Variants in ABLIM2 observed in about 807,000 individuals in gnomAD.
The protein encoded by ABLIM2 is actin-binding LIM protein 2.
In ABLIM2, 53 loss-of-function variants were observed where a neutral mutation model predicts 97.7. That is an observed-to-expected ratio of 0.54 (90% CI 0.44 to 0.68). The LOEUF (loss-of-function observed/expected upper bound fraction) is 0.68, where lower values mean the gene tolerates loss of function less well. ABLIM2 is among the 30% of genes least tolerant of loss of function. The pLI, the probability that ABLIM2 is intolerant of heterozygous loss-of-function variation, is 0.00. For synonymous variants in ABLIM2, 361 were observed against 345.8 expected, an observed-to-expected ratio of 1.04 and a Z score of -0.49; for missense variants, 835 against 867.2, an observed-to-expected ratio of 0.96 and a Z score of 0.47.
rs1458651194 is a variant in ABLIM2 at position 8,001,695 on chromosome 4, C to T, written c.1618+6364G>A. Among the ~76,000 whole-genome samples, 1 of 152,146 alleles carries T rather than the reference C, an allele frequency of 6.6e-6. No individual in the cohort carries two copies. Among genetic ancestry groups the T allele is most frequent in the African/African-American group, 2.4e-5 (1 of 41,438 alleles). ...TCTGTATAGAGGGACCCTCCAGCCACTAGCTGGATGCCAAGGTGGCCACGC... is the reference window on the plus strand; with the variant it reads ...TCTGTATAGAGGGACCCTCCAGCCATTAGCTGGATGCCAAGGTGGCCACGC... On this transcript the variant is annotated intron_variant, in intron 16 of 20. Transcript: ENST00000447017. The surrounding 1 kb of genome is among the most constrained non-coding windows in gnomAD (Gnocchi z 4.2).
chr4:8,140,217 C>G lies in ABLIM2; in HGVS notation c.10+18463G>C, dbSNP rs1850760466. Among the ~76,000 whole-genome samples the G allele has an allele frequency of 6.6e-6, 1 of 152,070 alleles. No homozygotes were observed. The highest frequency in any genetic ancestry group is 1.5e-5 in the Non-Finnish European group (1 of 68,010). ...CCATGGCACACGTTTACCTGTGTAA[C>G]AAACCTGCATGTCCTGCACATGTAT... On this transcript the variant is annotated intron_variant, in intron 1 of 20. Coordinates refer to ENST00000447017, the MANE Select transcript of ABLIM2 (RefSeq NM_001130083.2). This position sits in a 1 kb window ranked among gnomAD's most constrained non-coding sequence, Gnocchi z 5.9.
In ABLIM2 at chr4:8,139,269, A is replaced by G. The variant is rs28791547; in HGVS notation, c.10+19411T>C. ...AGGGGAGGGGAATGGAAGGGAAGGG[A>G]AGGGAAGGGAGAAAAAAAGAAAAGA... On this transcript the variant is annotated intron_variant, in intron 1 of 20. Transcript: ENST00000447017. 8.8e-3 allele frequency among the ~76,000 whole-genome samples: 1,290 copies of G among 146,530 alleles called. 34 individuals are homozygous for G. Among genetic ancestry groups the G allele is most frequent in the African/African-American group, 0.034 (1,215 of 36,240 alleles).
rs778723311 is a variant in ABLIM2 at position 8,029,683 on chromosome 4, G to A, written c.1141C>T (p.Arg381Trp). 2 of 1,550,256 alleles carry A rather than the reference G, an allele frequency of 1.3e-6. No homozygotes were observed. The highest frequency in any genetic ancestry group is 1.7e-6 in the Non-Finnish European group (2 of 1,146,806). Residue 381 changes from arginine to tryptophan, a missense_variant, in exon 11 of 21, where the codon CGG (arginine) becomes TGG (tryptophan). By Grantham distance (101) the Arg-to-Trp change is moderately radical. Coordinates refer to ENST00000447017, the MANE Select transcript of ABLIM2 (RefSeq NM_001130083.2). ...VSLGRYTPTS[R>W]SPQHYSRPAG... Reference sequence around the variant, plus strand: ...GGACGGCTGTAGTGCTGTGGTGACCGTGAGGTCGGAGTGTAGCGCCCGAGG... The same window carrying A: ...GGACGGCTGTAGTGCTGTGGTGACCATGAGGTCGGAGTGTAGCGCCCGAGG...
chr4:8,063,126 T>C (rs1234304426), intron 6 of ABLIM2, among the ~76,000 whole-genome samples: 1 of 152,122 alleles, frequency 6.6e-6, no homozygotes, highest in Non-Finnish European at 1.5e-5. Flanking sequence ...AGTGCAGTGG[T>C]GCAATCTCAG....
chr4:8,099,985 C>T (rs898424265), intron 2 of ABLIM2, among the ~76,000 whole-genome samples: 2 of 152,202 alleles, frequency 1.3e-5, no homozygotes, highest in African/African-American at 4.8e-5. Context: ...ATTTATCAAA[C>T]TAGCACAGAC....
chr4:8,121,753 G>A (rs1296506555), intron 1 of ABLIM2, among the ~76,000 whole-genome samples: 6 of 152,228 alleles, frequency 3.9e-5, no homozygotes, highest in Non-Finnish European at 5.9e-5. Context: ...AATCTAATAG[G>A]AAACAGGAAA....
chr4:7,966,920 G>A lies in ABLIM2; in HGVS notation c.*70C>T. The A allele has an allele frequency of 2.1e-6, 2 of 973,848 alleles. No individual in the cohort carries two copies. The highest frequency in any genetic ancestry group is 1.6e-6 in the Non-Finnish European group (1 of 623,784). 60.3% of individuals were successfully genotyped at this position (973,848 alleles called of 1,614,324 possible). ...CCAGAGCAAGGTGTGTGGGAGGGGT[G>A]TGTGCGGTTCTCGCCAGGGGCCCCT... On this transcript the variant is annotated 3_prime_UTR_variant, in exon 21 of 21. Coordinates refer to ENST00000447017, the MANE Select transcript of ABLIM2 (RefSeq NM_001130083.2).
At chr4:8,079,821 C>T (rs1343675148) in intron 5 of ABLIM2, among the ~76,000 whole-genome samples, 2 of 152,176 alleles carry the variant, frequency 1.3e-5, no homozygotes, top group East Asian at 3.9e-4. Flanking sequence ...CGTTTTTCAT[C>T]CCCATCAATT....
intron 3 of ABLIM2, among the ~76,000 whole-genome samples, chr4:8,094,487 C>A (rs972743150): frequency 1.3e-5 from 2 of 152,162 alleles, no homozygotes; most frequent in Admixed American, 6.5e-5. Flanking sequence ...CGTGATCGAT[C>A]GAGCAAGCAG....
At chr4:8,141,162 C>T (rs1418316329) in intron 1 of ABLIM2, among the ~76,000 whole-genome samples, 1 of 152,146 alleles carries the variant, frequency 6.6e-6, no homozygotes, top group Admixed American at 6.5e-5. Flanking sequence ...TTGTCTCTTC[C>T]CGGCCATGTG....
chr4:8,054,574 C>T lies in ABLIM2; in HGVS notation c.764-328G>A, dbSNP rs1797897033. 6.6e-6 allele frequency among the ~76,000 whole-genome samples: 1 copy of T among 152,230 alleles called. No homozygotes were observed. Among genetic ancestry groups the T allele is most frequent in the Admixed American group, 6.5e-5 (1 of 15,284 alleles). ...TGGGGGGCAGCTGGAAGATTCTTCT[C>T]TGAGGAGGGGGTATTTGAAGGGGTT... is the stretch of plus-strand genomic sequence containing the variant. On this transcript the variant is annotated intron_variant, in intron 7 of 20. Transcript: ENST00000447017. This position sits in a 1 kb window ranked among gnomAD's most constrained non-coding sequence, Gnocchi z 4.9.
At chr4:8,020,394 G>T in intron 12 of ABLIM2, 91 bp from the exon 13 acceptor site, 1 of 1,165,728 alleles carries the variant, frequency 8.6e-7, no homozygotes, top group Non-Finnish European at 1.2e-6. Flanking sequence ...TTTGCAGCGA[G>T]CCCCATCTCT....
intron 5 of ABLIM2, among the ~76,000 whole-genome samples, chr4:8,079,214 C>T (rs995462915): frequency 1.3e-5 from 2 of 152,212 alleles, no homozygotes; most frequent in East Asian, 1.9e-4. Flanking sequence ...TTCCAAATGC[C>T]GCTGACCTCA....
At chr4:8,079,704 G>A (rs1384057935) in intron 5 of ABLIM2, among the ~76,000 whole-genome samples, 1 of 152,170 alleles carries the variant, frequency 6.6e-6, no homozygotes, top group Admixed American at 6.5e-5. Flanking sequence ...CACATCCACC[G>A]ACGTGATTCA....
chr4:8,106,004 T>C (rs979260156), intron 2 of ABLIM2, among the ~76,000 whole-genome samples: 3 of 152,166 alleles, frequency 2.0e-5, no homozygotes, highest in Non-Finnish European at 4.4e-5. Flanking sequence ...TTATTTACAT[T>C]ATTGGTTTAT....
At chr4:7,967,705 C>A (rs998110378) in intron 20 of ABLIM2, among the ~76,000 whole-genome samples, 1 of 152,248 alleles carries the variant, frequency 6.6e-6, no homozygotes, top group Non-Finnish European at 1.5e-5. Context: ...GAAAGGCACA[C>A]AGCTTGGTGG....
chr4:8,104,085 AC>A (rs1342725407), intron 2 of ABLIM2, among the ~76,000 whole-genome samples: 1 of 152,106 alleles, frequency 6.6e-6, no homozygotes, highest in East Asian at 1.9e-4. Flanking sequence ...GGTGGAGGCC[AC>A]CCCTTCTCCC....
chr4:8,059,680 T>C (rs568969143), intron 7 of ABLIM2, among the ~76,000 whole-genome samples: 45 of 152,076 alleles, frequency 3.0e-4, no homozygotes, highest in African/African-American at 9.9e-4. Context: ...GGCGGGCAGA[T>C]TGCCTGAGGT....
At chr4:8,145,096 A>G (rs1013561094) in intron 1 of ABLIM2, among the ~76,000 whole-genome samples, 1 of 151,134 alleles carries the variant, frequency 6.6e-6, no homozygotes, top group Non-Finnish European at 1.5e-5. Flanking sequence ...CAGTGACATC[A>G]CCCCACAGGG....
Sources: allele counts gnomAD v4.1 joint callset (sites outside exome capture counted in the v4.1 genomes callset), GRCh38; gene constraint gnomAD v4.1.1; non-coding constraint Gnocchi (gnomAD v3.1); transcripts MANE v1.5; gene names NCBI Gene and HGNC (gene_info 2026-07-23, HGNC 2026-07-21).